The following CSTPP1 variants were observed in gnomAD, a reference collection of about 807,000 sequenced individuals.
The protein encoded by CSTPP1 is UPF0705 protein C11orf49.
the CSTPP1 span, among the ~76,000 whole-genome samples, chr11:46,946,828 A>G: frequency 2.0e-5 from 3 of 152,234 alleles, no homozygotes; most frequent in Non-Finnish European, 2.9e-5. Flanking sequence ...GTGAGCCATG[A>G]GGGCAGGCCT....
the CSTPP1 span, among the ~76,000 whole-genome samples, chr11:47,107,610 G>C: frequency 2.0e-5 from 3 of 151,592 alleles, no homozygotes; most frequent in African/African-American, 7.3e-5. Context: ...TATTTTCATG[G>C]TTTTTTTTCA....
the CSTPP1 span, among the ~76,000 whole-genome samples, chr11:47,159,366 T>C: frequency 6.6e-6 from 1 of 151,274 alleles, no homozygotes; most frequent in Non-Finnish European, 1.5e-5. Flanking sequence ...AAAAATTAGC[T>C]GGGTATAGTG....
chr11:46,966,333 G>A, the CSTPP1 span, among the ~76,000 whole-genome samples: 1 of 152,270 alleles, frequency 6.6e-6, no homozygotes, highest in East Asian at 1.9e-4. Flanking sequence ...GAGCCACCGC[G>A]CCTGGCCCAG....
the CSTPP1 span, among the ~76,000 whole-genome samples, chr11:47,085,045 CAA>C: frequency 1.3e-5 from 2 of 150,962 alleles, no homozygotes; most frequent in African/African-American, 4.9e-5. Flanking sequence ...ACTAAAAATA[CAA>C]AAAAAAATTA....
the CSTPP1 span, among the ~76,000 whole-genome samples, chr11:46,971,933 G>A: frequency 1.3e-5 from 2 of 152,160 alleles, no homozygotes; most frequent in Admixed American, 6.5e-5. Flanking sequence ...GCAACACAGC[G>A]AGACCTTGTC....
the CSTPP1 span, among the ~76,000 whole-genome samples, chr11:47,075,744 C>A: frequency 6.6e-6 from 1 of 151,750 alleles, no homozygotes; most frequent in South Asian, 2.1e-4. Flanking sequence ...GGTGGTTAAG[C>A]CCCGTCTCTA....
chr11:47,090,411 A>G, the CSTPP1 span, among the ~76,000 whole-genome samples: 1 of 152,200 alleles, frequency 6.6e-6, no homozygotes, highest in East Asian at 1.9e-4. Flanking sequence ...GAAGTCAAGT[A>G]AGTTTGTGAT....
At chr11:47,161,755 G>A in the CSTPP1 span, 44 of 1,446,600 alleles carry the variant, frequency 3.0e-5, no homozygotes, top group Non-Finnish European at 3.8e-5. Flanking sequence ...CTGACAAGGT[G>A]AATAACAGCC....
chr11:46,944,215 G>A, the CSTPP1 span, among the ~76,000 whole-genome samples: 1 of 151,186 alleles, frequency 6.6e-6, no homozygotes, highest in South Asian at 2.1e-4. Context: ...CTACTCAGGA[G>A]GTTGAGACAC....
At chr11:46,995,588 T>TGA in the CSTPP1 span, among the ~76,000 whole-genome samples, 1,353 of 152,358 alleles carry the variant, frequency 8.9e-3, 19 homozygotes, top group African/African-American at 0.029. Context: ...TGATTGGTTT[T>TGA]GAGAGAGTTT....
chr11:47,099,017 A>G, the CSTPP1 span, among the ~76,000 whole-genome samples: 1 of 151,772 alleles, frequency 6.6e-6, no homozygotes, highest in Non-Finnish European at 1.5e-5. Context: ...GGGTCTTGCT[A>G]CCCATTCCTG....
the CSTPP1 span, among the ~76,000 whole-genome samples, chr11:47,135,655 GAAC>G: frequency 1.2e-4 from 18 of 152,250 alleles, no homozygotes; most frequent in African/African-American, 4.3e-4. Flanking sequence ...ACAACTAATA[GAAC>G]TACTCTCTCC....
the CSTPP1 span, among the ~76,000 whole-genome samples, chr11:47,152,896 T>C: frequency 5.3e-5 from 8 of 152,134 alleles, no homozygotes; most frequent in South Asian, 2.1e-4. Flanking sequence ...CTTTAGACTA[T>C]TGGGGCTCCA....
At chr11:47,100,255 A>G in the CSTPP1 span, among the ~76,000 whole-genome samples, 1 of 152,190 alleles carries the variant, frequency 6.6e-6, no homozygotes, top group African/African-American at 2.4e-5. Context: ...AAAGGAAGCC[A>G]CTGGCTGCTT....
chr11:47,101,632 A>G, the CSTPP1 span, among the ~76,000 whole-genome samples: 2 of 151,980 alleles, frequency 1.3e-5, no homozygotes, highest in South Asian at 2.1e-4. Flanking sequence ...CCTCCTATAC[A>G]GCATTCTTTG....
the CSTPP1 span, among the ~76,000 whole-genome samples, chr11:46,938,777 C>CT: frequency 2.2e-4 from 20 of 89,624 alleles, no homozygotes; most frequent in South Asian, 9.1e-4. Context: ...TTTTTTTCTT[C>CT]TTCTTTTTTT....
the CSTPP1 span, chr11:47,052,078 C>T: frequency 5.4e-6 from 1 of 185,138 alleles, no homozygotes; most frequent in Non-Finnish European, 1.1e-5. Flanking sequence ...GTGCCAGTGT[C>T]ATCCAGTTAG....
chr11:47,074,391 T>C, the CSTPP1 span, among the ~76,000 whole-genome samples: 3 of 151,600 alleles, frequency 2.0e-5, no homozygotes, highest in Non-Finnish European at 4.4e-5. Context: ...GCCCAGCTAC[T>C]TGGGAGGCTG....
chr11:47,026,426 C>T, the CSTPP1 span, among the ~76,000 whole-genome samples: 5 of 151,962 alleles, frequency 3.3e-5, no homozygotes, highest in South Asian at 2.1e-4. Context: ...TAGAGATTTA[C>T]GGTAATTGTT....
Sources: gnomAD v4.1 joint callset for allele counts (sites outside exome capture counted in the v4.1 genomes callset) on GRCh38, gnomAD v4.1.1 for gene constraint, MANE v1.5 for transcripts, NCBI Gene and HGNC (gene_info 2026-07-23, HGNC 2026-07-21) for gene names.